Variants in SMYD3 observed in about 807,000 individuals in gnomAD.
SMYD3 encodes the protein SET and MYND domain containing 3.
SMYD3 carries 36 observed loss-of-function variants against 57.7 expected under a neutral mutation model. That is an observed-to-expected ratio of 0.62 (90% CI 0.48 to 0.82). The LOEUF (loss-of-function observed/expected upper bound fraction) is 0.82, where lower values mean the gene tolerates loss of function less well. Ranked by LOEUF, SMYD3 falls within the 40% of genes least tolerant of loss-of-function variation. The pLI is 0.00. For missense variants in SMYD3, 515 were observed against 538.8 expected (o/e 0.96, Z 0.44); for synonymous variants, 211 against 195.0 (o/e 1.08, Z -0.68).
intron 10 of SMYD3, among the ~76,000 whole-genome samples, chr1:245,801,334 T>TG (rs1332361558): frequency 6.6e-6 from 1 of 152,198 alleles, no homozygotes; most frequent in Non-Finnish European, 1.5e-5. Context: ...TGCAAACTGT[T>TG]CCCACAAGAC....
intron 5 of SMYD3, among the ~76,000 whole-genome samples, chr1:246,212,629 TC>T (rs1327087872): frequency 6.6e-6 from 1 of 152,180 alleles, no homozygotes; most frequent in African/African-American, 2.4e-5. Flanking sequence ...TCATTTGACT[TC>T]CTATTAACCG....
chr1:246,447,998 A>C (rs993978923), intron 1 of SMYD3, among the ~76,000 whole-genome samples: 2 of 152,248 alleles, frequency 1.3e-5, no homozygotes, highest in Non-Finnish European at 2.9e-5. Context: ...TTTGAAAATA[A>C]GTTGCATACA....
chr1:246,467,183 A>G (rs1342671601), intron 1 of SMYD3, among the ~76,000 whole-genome samples: 1 of 152,134 alleles, frequency 6.6e-6, no homozygotes, highest in Non-Finnish European at 1.5e-5. Context: ...AAAAATAAAT[A>G]AATAAAATTT....
intron 5 of SMYD3, among the ~76,000 whole-genome samples, chr1:246,061,421 T>C (rs998801339): frequency 6.6e-6 from 1 of 150,614 alleles, no homozygotes; most frequent in Non-Finnish European, 1.5e-5. Flanking sequence ...AATAAAATGG[T>C]AAAAGAAAAA....
At chr1:246,062,308 T>C (rs1002477815) in intron 5 of SMYD3, among the ~76,000 whole-genome samples, 2 of 152,282 alleles carry the variant, frequency 1.3e-5, no homozygotes, top group East Asian at 3.9e-4. Context: ...CATTTGACAA[T>C]GACTTGGCCT....
At chr1:245,944,168 G>T (rs548374252) in intron 5 of SMYD3, among the ~76,000 whole-genome samples, 1 of 152,072 alleles carries the variant, frequency 6.6e-6, no homozygotes, top group African/African-American at 2.4e-5. Flanking sequence ...AGAAATAAAG[G>T]GTACTCAAAT....
At chr1:246,221,710 G>C (rs1368987407) in intron 5 of SMYD3, among the ~76,000 whole-genome samples, 1 of 152,214 alleles carries the variant, frequency 6.6e-6, no homozygotes, top group Non-Finnish European at 1.5e-5. Flanking sequence ...TGGTGTGTCT[G>C]ACCGCACAGT....
chr1:245,860,738 A>G (rs2051495557), intron 9 of SMYD3, among the ~76,000 whole-genome samples: 1 of 152,180 alleles, frequency 6.6e-6, no homozygotes. Context: ...AGGTTGGGGG[A>G]AGCAGTATCT....
chr1:246,129,730 A>G (rs924803430), intron 5 of SMYD3, among the ~76,000 whole-genome samples: 2 of 152,080 alleles, frequency 1.3e-5, no homozygotes, highest in African/African-American at 4.8e-5. Context: ...TTCACGTAAC[A>G]TGAATAATTT....
intron 5 of SMYD3, among the ~76,000 whole-genome samples, chr1:246,147,709 G>A (rs528007516): frequency 2.3e-4 from 35 of 152,006 alleles, no homozygotes; most frequent in African/African-American, 7.0e-4. Context: ...GGTGGGGGCC[G>A]GGAGCAGACA....
intron 3 of SMYD3, among the ~76,000 whole-genome samples, chr1:246,331,914 T>A (rs1368318470): frequency 6.6e-6 from 1 of 152,198 alleles, no homozygotes; most frequent in African/African-American, 2.4e-5. Flanking sequence ...ACCATCCCCA[T>A]ATAAGACCAC....
At chr1:246,050,220 G>A (rs1316996083) in intron 5 of SMYD3, among the ~76,000 whole-genome samples, 2 of 152,184 alleles carry the variant, frequency 1.3e-5, no homozygotes, top group Admixed American at 6.5e-5. Flanking sequence ...CAAAAACACT[G>A]AAGTAGTAGT....
chr1:245,938,118 A>C (rs2057055428), intron 5 of SMYD3, among the ~76,000 whole-genome samples: 1 of 152,226 alleles, frequency 6.6e-6, no homozygotes, highest in African/African-American at 2.4e-5. Context: ...ATTAAGGTGA[A>C]TATTCTCTCC....
chr1:246,504,992 A>G lies in SMYD3; in HGVS notation c.164+2062T>C, dbSNP rs144861989. The stretch of plus-strand genomic sequence containing the variant: ...TCCCAACCAGGCTCTTTGGAACACT[A>G]TAACCACTAAAATGGGAGTGTTCAA... On this transcript the variant is annotated intron_variant, in intron 1 of 11. Transcript: ENST00000490107. Among the ~76,000 whole-genome samples, 327 of 152,356 alleles carry G rather than the reference A, an allele frequency of 2.1e-3. 1 individual carries two copies. The highest frequency in any genetic ancestry group is 3.0e-3 in the Non-Finnish European group (207 of 68,030).
chr1:246,413,135 C>G (rs1219977521), intron 1 of SMYD3, among the ~76,000 whole-genome samples: 2 of 152,302 alleles, frequency 1.3e-5, no homozygotes, highest in South Asian at 4.1e-4. Flanking sequence ...ATAATTAGTG[C>G]TAACTTCATA....
chr1:246,080,347 T>TGGCGGGTGAGCAGGCATGACCACCA (rs2060619254), intron 5 of SMYD3, among the ~76,000 whole-genome samples: 6 of 152,102 alleles, frequency 3.9e-5, no homozygotes, highest in African/African-American at 4.8e-5. Context: ...TCGATTCTCA[T>TGGCGGGTGAGCAGGCATGACCACCA]GAGGGCGTGA....
At chr1:246,107,032 G>A (rs1208691631) in intron 5 of SMYD3, among the ~76,000 whole-genome samples, 2 of 151,974 alleles carry the variant, frequency 1.3e-5, no homozygotes, top group Non-Finnish European at 2.9e-5. Context: ...GGGCACGGTG[G>A]CTCACGCCTG....
intron 7 of SMYD3, among the ~76,000 whole-genome samples, chr1:245,917,415 G>A (rs571371451): frequency 6.6e-6 from 1 of 152,264 alleles, no homozygotes; most frequent in Non-Finnish European, 1.5e-5. Context: ...CTGGTCCTTC[G>A]TCATAGGTAG....
At chr1:246,308,036 C>T (rs929782793) in intron 5 of SMYD3, among the ~76,000 whole-genome samples, 3 of 152,170 alleles carry the variant, frequency 2.0e-5, no homozygotes, top group African/African-American at 7.2e-5. Flanking sequence ...GATCTCCCCA[C>T]TCCAAATCTC....
Sources: allele counts gnomAD v4.1 joint callset (sites outside exome capture counted in the v4.1 genomes callset), GRCh38; gene constraint gnomAD v4.1.1; transcripts MANE v1.5; gene names NCBI Gene and HGNC (gene_info 2026-07-23, HGNC 2026-07-21).